The following NCALD variants were observed in gnomAD, a reference collection of about 807,000 sequenced individuals.
The protein encoded by NCALD is neurocalcin-delta.
Under a neutral mutation model 18.6 loss-of-function variants are expected in NCALD, and 10 were observed. That is an observed-to-expected ratio of 0.54 (90% CI 0.33 to 0.91). The LOEUF (loss-of-function observed/expected upper bound fraction) is 0.91, where lower values mean the gene tolerates loss of function less well. NCALD is among the 40% of genes least tolerant of loss of function. The pLI is 0.03. For synonymous variants in NCALD, 88 were observed against 87.4 expected (o/e 1.01, Z -0.04); for missense variants, 184 against 247.6 (o/e 0.74, Z 1.72).
chr8:102,040,473 A>G (rs937872807), intron 1 of NCALD, among the ~76,000 whole-genome samples: 16 of 109,834 alleles, frequency 1.5e-4, no homozygotes, highest in Admixed American at 8.3e-4. Flanking sequence ...GAATCCATCA[A>G]AAAAAAAAAA....
chr8:101,735,276 C>T (rs550182784), intron 1 of NCALD, among the ~76,000 whole-genome samples: 1 of 152,288 alleles, frequency 6.6e-6, no homozygotes, highest in African/African-American at 2.4e-5. Context: ...TTATAAGCAA[C>T]CAGTCCTCTG....
At chr8:101,947,869 A>G (rs1293392558) in intron 2 of NCALD, among the ~76,000 whole-genome samples, 1 of 152,244 alleles carries the variant, frequency 6.6e-6, no homozygotes, top group Non-Finnish European at 1.5e-5. Flanking sequence ...AGGCAAAAGC[A>G]ACAGCTTCAC....
chr8:102,006,677 G>A (rs934640972), intron 2 of NCALD, among the ~76,000 whole-genome samples: 2 of 152,204 alleles, frequency 1.3e-5, no homozygotes, highest in African/African-American at 2.4e-5. Context: ...GACAGAAGCT[G>A]GTTCTCCAAT....
intron 1 of NCALD, among the ~76,000 whole-genome samples, chr8:101,772,765 A>G (rs1051614545): frequency 1.3e-5 from 2 of 152,114 alleles, no homozygotes; most frequent in Non-Finnish European, 2.9e-5. Flanking sequence ...CCTCCCTTCT[A>G]AATTGTTTTC....
At chr8:101,832,344 T>TA (rs1474481102) in intron 4 of NCALD, among the ~76,000 whole-genome samples, 1 of 152,136 alleles carries the variant, frequency 6.6e-6, no homozygotes, top group African/African-American at 2.4e-5. Flanking sequence ...GCAGGGAACT[T>TA]AGACCCACAC....
At chr8:102,003,127 C>G (rs1387621200) in intron 2 of NCALD, among the ~76,000 whole-genome samples, 3 of 151,770 alleles carry the variant, frequency 2.0e-5, no homozygotes. Flanking sequence ...ATTGATAGAC[C>G]ACTAGCAAGA....
intron 4 of NCALD, among the ~76,000 whole-genome samples, chr8:101,838,430 C>T (rs752677102): frequency 6.6e-6 from 1 of 152,152 alleles, no homozygotes; most frequent in Non-Finnish European, 1.5e-5. Context: ...CCATGTTGGC[C>T]AGGATGGTCT....
chr8:102,013,761 A>C (rs1301026304), intron 2 of NCALD, among the ~76,000 whole-genome samples: 1 of 152,226 alleles, frequency 6.6e-6, no homozygotes, highest in African/African-American at 2.4e-5. Flanking sequence ...CAAAAACAAA[A>C]GGAAAGACAA....
At chr8:101,718,976 T>TA (rs1816220234) in intron 2 of NCALD, among the ~76,000 whole-genome samples, 2 of 152,230 alleles carry the variant, frequency 1.3e-5, no homozygotes, top group Admixed American at 1.3e-4. Flanking sequence ...TCGTAACTCT[T>TA]ACAACCAATT....
intron 3 of NCALD, among the ~76,000 whole-genome samples, chr8:101,891,919 G>T (rs979006461): frequency 6.6e-6 from 1 of 152,168 alleles, no homozygotes; most frequent in Non-Finnish European, 1.5e-5. Flanking sequence ...ACTGCAAGGC[G>T]GCAGCGAGGC....
At chr8:101,754,263 G>A (rs897052379) in intron 1 of NCALD, among the ~76,000 whole-genome samples, 1 of 152,152 alleles carries the variant, frequency 6.6e-6, no homozygotes, top group Non-Finnish European at 1.5e-5. Flanking sequence ...GAAACTGTTG[G>A]ATGTTTCCTA....
chr8:101,957,092 T>C (rs2131834737), intron 2 of NCALD, among the ~76,000 whole-genome samples: 1 of 152,278 alleles, frequency 6.6e-6, no homozygotes, highest in South Asian at 2.1e-4. Flanking sequence ...GTAATTTTGA[T>C]TCTTGCTTTG....
chr8:102,116,749 C>A (rs1321167875), intron 1 of NCALD, among the ~76,000 whole-genome samples: 1 of 152,084 alleles, frequency 6.6e-6, no homozygotes, highest in Non-Finnish European at 1.5e-5. Flanking sequence ...CTCAAGCAAT[C>A]CTCCTGCCTC....
chr8:102,100,635 T>C (rs1263859297), intron 1 of NCALD, among the ~76,000 whole-genome samples: 1 of 152,060 alleles, frequency 6.6e-6, no homozygotes, highest in Non-Finnish European at 1.5e-5. Context: ...CATTAGCCAA[T>C]AGGTGGAAGG....
At chr8:102,058,766 CA>C (rs1329159800) in intron 1 of NCALD, among the ~76,000 whole-genome samples, 1 of 151,844 alleles carries the variant, frequency 6.6e-6, no homozygotes, top group African/African-American at 2.4e-5. Flanking sequence ...CTCCACATGG[CA>C]AAAAAGGACT....
At chr8:101,856,805 C>T (rs967972091) in intron 4 of NCALD, among the ~76,000 whole-genome samples, 7 of 152,128 alleles carry the variant, frequency 4.6e-5, no homozygotes, top group East Asian at 3.9e-4. Context: ...CACAGTGCCA[C>T]GTCATGACAC....
chr8:101,957,289 G>GTTTTTTTTTTTT (rs11305701), intron 2 of NCALD, among the ~76,000 whole-genome samples: 1 of 99,498 alleles, frequency 1.0e-5, no homozygotes, highest in African/African-American at 4.0e-5. Context: ...AAAAGTTGGG[G>GTTTTTTTTTTTT]TTTTTTTTTT....
intron 4 of NCALD, among the ~76,000 whole-genome samples, chr8:101,798,214 A>G (rs1345240526): frequency 6.6e-6 from 1 of 152,202 alleles, no homozygotes; most frequent in African/African-American, 2.4e-5. Flanking sequence ...AAGAAATAAA[A>G]CTGTTTCATT....
chr8:101,975,392 A>T (rs1459324801), intron 2 of NCALD: 1 of 152,172 alleles, frequency 6.6e-6, no homozygotes, highest in Non-Finnish European at 1.5e-5. Context: ...GGAGATGCTG[A>T]TTTAGAAGGT....
Sources: allele counts gnomAD v4.1 joint callset (sites outside exome capture counted in the v4.1 genomes callset), GRCh38; gene constraint gnomAD v4.1.1; transcripts MANE v1.5; gene names NCBI Gene and HGNC (gene_info 2026-07-23, HGNC 2026-07-21).